Variants in COL4A6 observed in about 807,000 individuals in gnomAD.
COL4A6 encodes collagen type IV alpha 6 chain.
A neutral mutation model predicts 126.7 loss-of-function variants in COL4A6; 59 were observed. The observed-to-expected ratio is 0.47, with a 90% CI of 0.38 to 0.58. The LOEUF (loss-of-function observed/expected upper bound fraction) is 0.58. Ranked by LOEUF, COL4A6 falls within the 20% of genes least tolerant of loss-of-function variation. The probability of loss-of-function intolerance (pLI) is 0.00; values close to 1 mark genes in which losing one functional copy is unlikely to be tolerated. For synonymous variants in COL4A6, 547 were observed against 496.6 expected, an observed-to-expected ratio of 1.10 and a Z score of -1.35; for missense variants, 1,285 against 1,337.3, an observed-to-expected ratio of 0.96 and a Z score of 0.61.
chrX:108,265,757 G>A (rs1175323032), intron 3 of COL4A6, among the ~76,000 whole-genome samples: 1 of 110,794 alleles, frequency 9.0e-6, no homozygotes, highest in Non-Finnish European at 1.9e-5. Context: ...AGGATAGAGA[G>A]AGAGATAATG....
chrX:108,197,024 T>C (rs1190806155), intron 13 of COL4A6, among the ~76,000 whole-genome samples: 1 of 111,978 alleles, frequency 8.9e-6, no homozygotes, highest in African/African-American at 3.2e-5. Flanking sequence ...AAATGGAGGA[T>C]TATGCAAATT....
intron 2 of COL4A6, among the ~76,000 whole-genome samples, chrX:108,362,178 TA>T (rs1209792370): frequency 2.7e-5 from 3 of 111,478 alleles, no homozygotes; most frequent in Non-Finnish European, 5.6e-5. Flanking sequence ...ATACCATCCA[TA>T]TTACTCTAAT....
At chrX:108,176,690 G>A (rs1168069994) in intron 28 of COL4A6, 151 bp downstream of exon 28, 5 of 610,545 alleles carry the variant, frequency 8.2e-6, no homozygotes, top group Non-Finnish European at 1.3e-5. Flanking sequence ...TCCCCCTTTA[G>A]CACTAGCCTT....
In COL4A6 at chrX:108,175,642, T is replaced by C; in HGVS notation, c.2830+12A>G. On this transcript the variant is annotated intron_variant, in intron 29 of 44. Transcript: ENST00000334504. ...ATGGGCAGCAGTTCCAGAATTCAAT[T>C]CCCCAGCTCACCCTTTTCACCAGGA... 8.4e-7 allele frequency: 1 copy of C among 1,186,237 alleles called. No homozygotes were observed. Among genetic ancestry groups the C allele is most frequent in the African/African-American group, 1.8e-5 (1 of 56,012 alleles).
chrX:108,210,447 C>T (rs1356706582), intron 7 of COL4A6, among the ~76,000 whole-genome samples: 2 of 112,490 alleles, frequency 1.8e-5, no homozygotes, highest in African/African-American at 3.2e-5. Context: ...ACAGAGCATA[C>T]ACTCTCTGAT....
At chrX:108,367,814 G>T (rs1042650069) in intron 2 of COL4A6, among the ~76,000 whole-genome samples, 1 of 111,136 alleles carries the variant, frequency 9.0e-6, no homozygotes, top group South Asian at 3.8e-4. Flanking sequence ...CTACTATCTC[G>T]ATTTACTGGT....
At chrX:108,392,454 T>C (rs1483689486) in intron 2 of COL4A6, among the ~76,000 whole-genome samples, 1 of 106,115 alleles carries the variant, frequency 9.4e-6, no homozygotes, top group Non-Finnish European at 1.9e-5. Context: ...GGACAAATGA[T>C]CTGAAAAAAA....
intron 3 of COL4A6, among the ~76,000 whole-genome samples, chrX:108,269,652 C>A (rs2037398113): frequency 8.9e-6 from 1 of 111,937 alleles, no homozygotes; most frequent in Non-Finnish European, 1.9e-5. Context: ...CAGTAATAAG[C>A]ATGTTGACAC....
chrX:108,435,948 T>G (rs1199150693), intron 2 of COL4A6, among the ~76,000 whole-genome samples: 1 of 111,501 alleles, frequency 9.0e-6, no homozygotes, highest in Non-Finnish European at 1.9e-5. Context: ...CACAAACTCA[T>G]GAGGATAAAC....
At chrX:108,161,513 C>G (rs1265593884) in intron 42 of COL4A6, 106 bp downstream of exon 42, 1 of 513,440 alleles carries the variant, frequency 1.9e-6, no homozygotes, top group Non-Finnish European at 3.3e-6. Context: ...AGCTCTACCA[C>G]TGGGTTTATT....
chrX:108,323,838 G>A (rs2147950216), intron 2 of COL4A6, among the ~76,000 whole-genome samples: 2 of 111,885 alleles, frequency 1.8e-5, no homozygotes, highest in East Asian at 5.6e-4. Flanking sequence ...AGAAACTGTG[G>A]CAATAGTTTT....
intron 2 of COL4A6, among the ~76,000 whole-genome samples, chrX:108,332,679 C>A (rs1210252199): frequency 9.0e-6 from 1 of 110,728 alleles, no homozygotes; most frequent in Non-Finnish European, 1.9e-5. Context: ...ATGTCCTTTG[C>A]CCATTTTTAA....
At chrX:108,272,396 C>T (rs935023932) in intron 3 of COL4A6, among the ~76,000 whole-genome samples, 5 of 111,678 alleles carry the variant, frequency 4.5e-5, no homozygotes, top group African/African-American at 1.3e-4. Flanking sequence ...CCACTTCAGG[C>T]TGGTACCTAG....
chrX:108,174,384 C>T (rs1210764488), intron 31 of COL4A6, 56 bp downstream of exon 31: 2 of 1,142,286 alleles, frequency 1.8e-6, no homozygotes, highest in Middle Eastern at 2.4e-4. Context: ...GGGGGTATAT[C>T]CCCGTGAGAT....
At chrX:108,276,054 C>T (rs2037592973) in intron 3 of COL4A6, among the ~76,000 whole-genome samples, 1 of 112,601 alleles carries the variant, frequency 8.9e-6, no homozygotes, top group South Asian at 3.7e-4. Context: ...AATGTTAGTT[C>T]CAAGTGAGGA....
In COL4A6 at chrX:108,208,672, A is replaced by G. The variant is rs775208519; in HGVS notation, c.546+1297T>C. 1.5e-4 allele frequency among the ~76,000 whole-genome samples: 17 copies of G among 112,033 alleles called. No homozygotes were observed. In the South Asian group the frequency reaches 6.4e-3, roughly 42 times the overall value. On this transcript the variant is annotated intron_variant, in intron 8 of 44. Transcript: ENST00000334504. ...TTAAACATAAGACAGTGAAATCACA[A>G]GAGAAAAATGGTCTGGTGAAATGCA...
At chrX:108,329,757 A>G (rs1485831693) in intron 2 of COL4A6, among the ~76,000 whole-genome samples, 1 of 111,041 alleles carries the variant, frequency 9.0e-6, no homozygotes, top group Non-Finnish European at 1.9e-5. Context: ...TTATGTTTTA[A>G]GTTTAAGTTT....
At chrX:108,437,836 G>A (rs1042092364) in intron 2 of COL4A6, 106 bp downstream of exon 2, 23 of 885,154 alleles carry the variant, frequency 2.6e-5, no homozygotes, top group Non-Finnish European at 3.8e-5. Context: ...TGTGGACTCC[G>A]TCTCGTGGTG....
intron 3 of COL4A6, among the ~76,000 whole-genome samples, chrX:108,223,233 G>T (rs1178912507): frequency 1.8e-5 from 2 of 111,055 alleles, no homozygotes; most frequent in African/African-American, 3.3e-5. Context: ...CCTGTTGAGG[G>T]GTGGTGGGCA....
Sources: allele counts gnomAD v4.1 joint callset (sites outside exome capture counted in the v4.1 genomes callset), GRCh38; gene constraint gnomAD v4.1.1; transcripts MANE v1.5; gene names NCBI Gene and HGNC (gene_info 2026-07-23, HGNC 2026-07-21).